CPA6: variants seen among roughly 807,000 people sequenced by gnomAD.
CPA6 encodes carboxypeptidase B.
CPA6 carries 58 observed loss-of-function variants against 63.3 expected under a neutral mutation model. The ratio of observed to expected loss-of-function variants is 0.92; its 90% confidence interval spans 0.74 to 1.14. The LOEUF is 1.14. Ranked by LOEUF, CPA6 falls within the 50% of genes most tolerant of loss-of-function variation. The pLI is 0.00. For missense variants in CPA6, 565 were observed against 526.6 expected (o/e 1.07, Z -0.71); for synonymous variants, 185 against 179.0 (o/e 1.03, Z -0.27).
intron 8 of CPA6, among the ~76,000 whole-genome samples, chr8:67,450,575 G>A (rs1212597711): frequency 6.6e-6 from 1 of 152,190 alleles, no homozygotes; most frequent in Admixed American, 6.5e-5. Context: ...CTTCAAGATT[G>A]AGTAAGAAAA....
At chr8:67,692,328 CAAAAA>C (rs55676882) in intron 1 of CPA6, among the ~76,000 whole-genome samples, 98 of 89,976 alleles carry the variant, frequency 1.1e-3, no homozygotes, top group African/African-American at 1.8e-3. Context: ...AATCCTGTCT[CAAAAA>C]AAAAAAAAAA....
intron 1 of CPA6, among the ~76,000 whole-genome samples, chr8:67,654,886 T>C (rs1815946116): frequency 6.6e-6 from 1 of 152,204 alleles, no homozygotes; most frequent in African/African-American, 2.4e-5. Context: ...TTTCTGTTTC[T>C]GCACTTTGGA....
At chr8:67,466,238 G>T (rs1439022931) in intron 8 of CPA6, among the ~76,000 whole-genome samples, 1 of 151,958 alleles carries the variant, frequency 6.6e-6, no homozygotes, top group African/African-American at 2.4e-5. Flanking sequence ...TTTCTAGTTT[G>T]TGTGCATAGA....
chr8:67,447,057 TA>T (rs1810439065), intron 8 of CPA6, among the ~76,000 whole-genome samples: 1 of 146,908 alleles, frequency 6.8e-6, no homozygotes, highest in Admixed American at 6.8e-5. Context: ...TACACACACA[TA>T]TATATACACA....
At chr8:67,667,619 C>T (rs1203808705) in intron 1 of CPA6, among the ~76,000 whole-genome samples, 5 of 152,132 alleles carry the variant, frequency 3.3e-5, no homozygotes, top group African/African-American at 1.2e-4. Context: ...GGTTAGGTGA[C>T]ATCTGAGGGG....
At chr8:67,455,104 T>C (rs375954449) in intron 8 of CPA6, among the ~76,000 whole-genome samples, 19 of 152,296 alleles carry the variant, frequency 1.2e-4, no homozygotes, top group African/African-American at 4.3e-4. Flanking sequence ...GTTTTGTTGA[T>C]TCTGTGAACC....
chr8:67,736,088 C>A (rs1356086317), intron 1 of CPA6, among the ~76,000 whole-genome samples: 1 of 152,098 alleles, frequency 6.6e-6, no homozygotes, highest in African/African-American at 2.4e-5. Context: ...AGGACCAGGA[C>A]CCACCTCCTA....
intron 10 of CPA6, among the ~76,000 whole-genome samples, chr8:67,424,053 A>G (rs1809830494): frequency 6.6e-6 from 1 of 152,178 alleles, no homozygotes; most frequent in African/African-American, 2.4e-5. Flanking sequence ...GAACCCTATC[A>G]TGGACAGCAC....
intron 2 of CPA6, among the ~76,000 whole-genome samples, chr8:67,566,983 T>C (rs1023845474): frequency 1.3e-5 from 2 of 152,202 alleles, no homozygotes; most frequent in Non-Finnish European, 2.9e-5. Flanking sequence ...TGACCTGGCA[T>C]GAAAAGGCAA....
chr8:67,468,995 C>T (rs146069889), intron 8 of CPA6, among the ~76,000 whole-genome samples: 1 of 152,170 alleles, frequency 6.6e-6, no homozygotes, highest in Non-Finnish European at 1.5e-5. Flanking sequence ...GTTTAGTCTA[C>T]CCTGGTGTCA....
At chr8:67,611,688 C>A (rs180849191) in intron 2 of CPA6, among the ~76,000 whole-genome samples, 79 of 152,166 alleles carry the variant, frequency 5.2e-4, no homozygotes, top group Non-Finnish European at 9.0e-4. Flanking sequence ...GAAGGAAATT[C>A]TTTTCCTAGT....
intron 1 of CPA6, among the ~76,000 whole-genome samples, chr8:67,663,328 C>T (rs1816158373): frequency 1.3e-5 from 2 of 152,134 alleles, no homozygotes; most frequent in Admixed American, 6.5e-5. Flanking sequence ...CCCAACTAGA[C>T]TCTTTGATCT....
At chr8:67,679,608 A>G (rs1406237452) in intron 1 of CPA6, among the ~76,000 whole-genome samples, 1 of 152,212 alleles carries the variant, frequency 6.6e-6, no homozygotes, top group Non-Finnish European at 1.5e-5. Flanking sequence ...ATTTGACTAC[A>G]TAAAGTAGTC....
chr8:67,677,361 T>TTTTTTTTTTTTTTTTTA (rs1816499250), intron 1 of CPA6, among the ~76,000 whole-genome samples: 1 of 129,618 alleles, frequency 7.7e-6, no homozygotes, highest in African/African-American at 2.8e-5. Context: ...TTTTTTTTTT[T>TTTTTTTTTTTTTTTTTA]ATCCTGCTGC....
chr8:67,477,311 G>GA (rs1203013002), intron 8 of CPA6, among the ~76,000 whole-genome samples: 1,619 of 121,510 alleles, frequency 0.013, 17 homozygotes, highest in Non-Finnish European at 0.021. Flanking sequence ...AAAAAAAAAG[G>GA]AAAAAAAAAA....
chr8:67,439,914 T>C (rs1247085228), intron 8 of CPA6, among the ~76,000 whole-genome samples: 1 of 152,286 alleles, frequency 6.6e-6, no homozygotes, highest in South Asian at 2.1e-4. Context: ...GCATAAGCCA[T>C]AGTGCCTGGC....
chr8:67,662,400 T>TACACACACGTATATGTATATATAGAATAC (rs1816129388), intron 1 of CPA6, among the ~76,000 whole-genome samples: 1 of 126,264 alleles, frequency 7.9e-6, no homozygotes, highest in South Asian at 2.5e-4. Context: ...AGACTACATA[T>TACACACACGTATATGTATATATAGAATAC]ATACACACAC....
At position 67,746,066 on chromosome 8, in the gene CPA6, A is replaced by G. The variant is rs1407904976; in HGVS notation, c.64T>C (p.Leu22=). The G allele has an allele frequency of 2.5e-6, 4 of 1,613,996 alleles. No homozygotes were observed. The highest frequency in any genetic ancestry group is 3.4e-6 in the Non-Finnish European group (4 of 1,179,906). Residue 22 remains leucine, a synonymous_variant, in exon 1 of 11, where the codon TTG becomes CTG. Transcript: ENST00000297770. ...AAFLPLCWLF[L]KILQPGHSHL... is the part of the protein sequence containing the mutation. ...CTGTGCCCCGGTTGCAGAATCTTCA[A>G]AAAGAGCCAGCAAAGAGGCAGGAAA...
At chr8:67,454,756 C>G (rs1810632537) in intron 8 of CPA6, among the ~76,000 whole-genome samples, 1 of 152,226 alleles carries the variant, frequency 6.6e-6, no homozygotes, top group African/African-American at 2.4e-5. Context: ...GCATACATCT[C>G]TGTTCTGAAC....
Sources: gnomAD v4.1 joint callset for allele counts (sites outside exome capture counted in the v4.1 genomes callset) on GRCh38, gnomAD v4.1.1 for gene constraint, MANE v1.5 for transcripts, NCBI Gene and HGNC (gene_info 2026-07-23, HGNC 2026-07-21) for gene names.